IP6K2: variants seen among roughly 807,000 people sequenced by gnomAD.
The protein encoded by IP6K2 is inositol hexakisphosphate kinase 2, also known as ATP:1D-myo-inositol-hexakisphosphate phosphotransferase.
IP6K2 carries 9 observed loss-of-function variants against 43.3 expected under a neutral mutation model. The observed-to-expected ratio is 0.21, with a 90% CI of 0.13 to 0.36. The LOEUF (loss-of-function observed/expected upper bound fraction) is 0.36. Among genes scored for constraint, IP6K2 ranks in the 10% least tolerant of loss-of-function variants. IP6K2 has a pLI of 1.00. For synonymous variants in IP6K2, 209 were observed against 202.4 expected (o/e 1.03, Z -0.28); for missense variants, 332 against 538.4 (o/e 0.62, Z 3.79).
Position 48,688,862 on chromosome 3 carries a change from C to A in IP6K2, c.781-89G>T, listed in dbSNP as rs1278023052. On this transcript the variant is annotated intron_variant, in intron 5 of 5. Transcript: ENST00000328631. The surrounding 1 kb of genome is among the most constrained non-coding windows in gnomAD (Gnocchi z 5.1). Reference sequence around the variant, plus strand: ...GGGTGGGGTGGTGTGGTGGTGGCGGCATGTGACAGCCCAGATCAGATAAAG... The same window carrying A: ...GGGTGGGGTGGTGTGGTGGTGGCGGAATGTGACAGCCCAGATCAGATAAAG... 11 of 1,367,552 alleles carry A rather than the reference C, an allele frequency of 8.0e-6. No individual in the cohort carries two copies. The highest frequency in any genetic ancestry group is 9.0e-6 in the Non-Finnish European group (9 of 1,002,128). 84.7% of individuals were successfully genotyped at this position (1,367,552 alleles called of 1,614,324 possible).
chr3:48,706,627 C>T (rs531133289), intron 1 of IP6K2, among the ~76,000 whole-genome samples: 19 of 152,042 alleles, frequency 1.2e-4, no homozygotes, highest in Non-Finnish European at 2.4e-4. Context: ...ATCACTTAAG[C>T]TCAAGAGTTC....
intron 1 of IP6K2, among the ~76,000 whole-genome samples, chr3:48,709,567 G>A (rs1366496491): frequency 3.3e-5 from 5 of 152,260 alleles, no homozygotes; most frequent in South Asian, 4.1e-4. Context: ...GGCTGGGCGC[G>A]GTGGCTCACG....
At chr3:48,700,539 T>C (rs1361072781) in intron 1 of IP6K2, among the ~76,000 whole-genome samples, 3 of 152,196 alleles carry the variant, frequency 2.0e-5, no homozygotes, top group Non-Finnish European at 4.4e-5. Flanking sequence ...CATGAAACTA[T>C]GAACAGGTAA....
At chr3:48,699,511 T>C (rs1322063060) in intron 1 of IP6K2, 1 of 152,246 alleles carries the variant, frequency 6.6e-6, no homozygotes, top group Non-Finnish European at 1.5e-5. Context: ...GGGCATGATG[T>C]GCCACCTTAT....
chr3:48,711,408 A>G (rs1240119932), intron 1 of IP6K2: 1 of 152,260 alleles, frequency 6.6e-6, no homozygotes, highest in African/African-American at 2.4e-5. Flanking sequence ...TTGCTGTGTT[A>G]GTTCCAAAGG....
At chr3:48,705,654 TAA>T (rs201473758) in intron 1 of IP6K2, among the ~76,000 whole-genome samples, 16 of 136,366 alleles carry the variant, frequency 1.2e-4, no homozygotes, top group Admixed American at 2.2e-4. Context: ...CACTGTCTAT[TAA>T]AAAAAAAAAA....
At chr3:48,696,024 TACAGGTGCACACC>T (rs2078305029) in intron 1 of IP6K2, among the ~76,000 whole-genome samples, 1 of 151,686 alleles carries the variant, frequency 6.6e-6, no homozygotes, top group Non-Finnish European at 1.5e-5. Context: ...TAGCTGGGAT[TACAGGTGCACACC>T]ACCACACCCA....
At chr3:48,710,686 T>G (rs1388792916) in intron 1 of IP6K2, among the ~76,000 whole-genome samples, 1 of 151,824 alleles carries the variant, frequency 6.6e-6, no homozygotes, top group Non-Finnish European at 1.5e-5. Flanking sequence ...CTCGGCTCAC[T>G]GCAAGCTCTG....
At chr3:48,705,136 G>A (rs956201914) in intron 1 of IP6K2, among the ~76,000 whole-genome samples, 3 of 151,654 alleles carry the variant, frequency 2.0e-5, no homozygotes, top group Non-Finnish European at 2.9e-5. Flanking sequence ...GTAGAGATGC[G>A]GTTTCACCGT....
intron 1 of IP6K2, among the ~76,000 whole-genome samples, chr3:48,697,671 C>T (rs1341342911): frequency 2.0e-5 from 3 of 150,696 alleles, no homozygotes; most frequent in South Asian, 2.1e-4. Context: ...AAAAATTAAA[C>T]GTTTTACTGT....
chr3:48,695,136 G>C lies in IP6K2; in HGVS notation c.156C>G (p.Tyr52Ter), dbSNP rs765448591. ...KPLVPREHQF[Y>*]ETLPAEMRKF... The stretch of plus-strand genomic sequence containing the variant: ...TGCGCATCTCAGCAGGGAGGGTCTC[G>C]TAGAACTGATGTTCCCTTGGGACCA... Residue 52 changes from tyrosine to a stop codon, truncating the protein, a stop_gained, in exon 2 of 6, where the codon TAC becomes TAG. Transcript: ENST00000328631. LOFTEE classifies it high-confidence loss of function. This position sits in a 1 kb window ranked among gnomAD's most constrained non-coding sequence, Gnocchi z 4.6. The C allele has an allele frequency of 6.2e-7, 1 of 1,611,442 alleles. No homozygotes were observed.
At chr3:48,694,013 C>CGGTG in intron 2 of IP6K2, 1 of 1,391,762 alleles carries the variant, frequency 7.2e-7, no homozygotes, top group Non-Finnish European at 9.3e-7. Context: ...GAACACCTTT[C>CGGTG]CTCCCAGGCC....
chr3:48,710,664 C>A (rs1275117569), intron 1 of IP6K2, among the ~76,000 whole-genome samples: 2 of 151,984 alleles, frequency 1.3e-5, no homozygotes, highest in South Asian at 2.1e-4. Flanking sequence ...GGCTGGAGTG[C>A]AGTGGCGGGA....
rs371991640 is a variant in IP6K2 at position 48,702,442 on chromosome 3, A to AC, written c.-130-7022dup. On this transcript the variant is annotated intron_variant, in intron 1 of 5. Transcript: ENST00000328631. ...TCCTTCAGCCCTTTGTGCAAATGTCACCCCCCCTTTTTTTTTTTGAGATAG... is the reference window on the plus strand; with the variant it reads ...TCCTTCAGCCCTTTGTGCAAATGTCACCCCCCCCTTTTTTTTTTTGAGATAG... 1.1e-3 allele frequency among the ~76,000 whole-genome samples: 125 copies of AC among 116,838 alleles called. 1 individual carries two copies. The highest frequency in any genetic ancestry group is 2.2e-3 in the African/African-American group (67 of 30,446). The allele number at this position is 116,838 out of a possible 152,430, so 76.7% of individuals were successfully genotyped here.
chr3:48,708,075 C>T (rs1040343698), intron 1 of IP6K2: 2 of 151,166 alleles, frequency 1.3e-5, no homozygotes, highest in African/African-American at 4.9e-5. Flanking sequence ...CCTGTCTCTA[C>T]CAAATAAAAA....
intron 1 of IP6K2, among the ~76,000 whole-genome samples, chr3:48,701,545 CG>C (rs2079036450): frequency 9.4e-6 from 1 of 106,396 alleles, no homozygotes; most frequent in Non-Finnish European, 1.7e-5. Flanking sequence ...CCAGCCTGGG[CG>C]ACAAGAGCAA....
At chr3:48,698,357 C>G (rs2078644403) in intron 1 of IP6K2, among the ~76,000 whole-genome samples, 1 of 152,196 alleles carries the variant, frequency 6.6e-6, no homozygotes, top group African/African-American at 2.4e-5. Flanking sequence ...TTTAGAAACA[C>G]AATCCAGGCC....
At chr3:48,713,829 A>G (rs1428935581) in intron 1 of IP6K2, among the ~76,000 whole-genome samples, 2 of 150,970 alleles carry the variant, frequency 1.3e-5, no homozygotes, top group Admixed American at 1.3e-4. Context: ...AGAAAGAAAA[A>G]GGCCAGGTGC....
intron 2 of IP6K2, chr3:48,694,162 C>T: frequency 1.6e-5 from 24 of 1,547,880 alleles, no homozygotes; most frequent in Non-Finnish European, 1.9e-5. Context: ...GGCCACACTT[C>T]CCTGTGGCCA....
Sources: gnomAD v4.1 joint callset for allele counts (sites outside exome capture counted in the v4.1 genomes callset) on GRCh38, gnomAD v4.1.1 for gene constraint, Gnocchi (gnomAD v3.1) non-coding constraint, MANE v1.5 for transcripts, NCBI Gene and HGNC (gene_info 2026-07-23, HGNC 2026-07-21) for gene names.